The following HS3ST6 variants were observed in gnomAD, a reference collection of about 807,000 sequenced individuals.
The protein encoded by HS3ST6 is heparan sulfate glucosamine 3-O-sulfotransferase 6.
A neutral mutation model predicts 11.0 loss-of-function variants in HS3ST6; 13 were observed. The observed-to-expected ratio is 1.18, with a 90% CI of 0.77 to 1.88. The LOEUF (loss-of-function observed/expected upper bound fraction) is 1.88, where lower values mean the gene tolerates loss of function less well. Ranked by LOEUF, HS3ST6 falls within the 40% of genes most tolerant of loss-of-function variation. The probability of loss-of-function intolerance (pLI) is 0.00; values close to 1 mark genes in which losing one functional copy is unlikely to be tolerated. For synonymous variants in HS3ST6, 232 were observed against 230.6 expected (o/e 1.01, Z -0.06); for missense variants, 541 against 494.4 (o/e 1.09, Z -0.89).
chr16:1,914,123 C>T lies in HS3ST6; in HGVS notation c.414-1918G>A, dbSNP rs569919563. Among the ~76,000 whole-genome samples the T allele has an allele frequency of 6.6e-5, 10 of 152,164 alleles. No individual in the cohort carries two copies. The South Asian group carries it at 1.9e-3, about 28-fold the overall frequency. On this transcript the variant is annotated intron_variant, in intron 1 of 1. Transcript: ENST00000454677. The stretch of plus-strand genomic sequence containing the variant: ...GAGGGGCAGGGGTGCTGGGGATGAG[C>T]GTGGGGCTCAGCCCTCCCTCTTCCC...
upstream of HS3ST6, among the ~76,000 whole-genome samples, chr16:1,918,722 C>T (rs1355422011): frequency 2.0e-5 from 3 of 152,188 alleles, no homozygotes; most frequent in East Asian, 3.9e-4. This position sits in a 1 kb window ranked among gnomAD's most constrained non-coding sequence, Gnocchi z 6.0. Context: ...GCGCGGGCCT[C>T]GGGACCCTCT....
rs770410702 is a variant in HS3ST6, at chr16:1,912,251, T to C, written c.414-46A>G. 80 of 1,318,914 alleles carry C rather than the reference T, an allele frequency of 6.1e-5. No individual in the cohort carries two copies. Among genetic ancestry groups the C allele is most frequent in the Non-Finnish European group, 6.5e-5 (67 of 1,032,432 alleles). 81.7% of individuals were successfully genotyped at this position (1,318,914 alleles called of 1,614,324 possible). A position where few individuals can be genotyped will look rare whatever the true frequency, so the allele number is the denominator to read the frequency against. ...GAGGGGGCCTGAGCCTCCCCAGCCC[T>C]AGACCGGCCCCCAGGGGCCCGGGAC... On this transcript the variant is annotated intron_variant, in intron 1 of 1. Transcript: ENST00000454677. This position sits in a 1 kb window ranked among gnomAD's most constrained non-coding sequence, Gnocchi z 5.6.
At position 1,912,581 on chromosome 16, in the gene HS3ST6, A is replaced by G. The variant is rs1455639737; in HGVS notation, c.414-376T>C. ...GCCAGCTCCCTCCCACCGGACCCAC[A>G]CTTTCCTGGAACTAGGCTGCCCCCA... is the stretch of plus-strand genomic sequence containing the variant. On this transcript the variant is annotated intron_variant, in intron 1 of 1. Coordinates refer to ENST00000454677, the MANE Select transcript of HS3ST6 (RefSeq NM_001009606.4). This position sits in a 1 kb window ranked among gnomAD's most constrained non-coding sequence, Gnocchi z 5.6. 1.3e-5 allele frequency among the ~76,000 whole-genome samples: 2 copies of G among 151,392 alleles called. No homozygotes were observed. Among genetic ancestry groups the G allele is most frequent in the African/African-American group, 4.9e-5 (2 of 41,138 alleles).
Position 1,911,622 on chromosome 16 carries a change from G to A in HS3ST6, c.997C>T (p.Gln333Ter), listed in dbSNP as rs1358981484. Residue 333 changes from glutamine to a stop codon, truncating the protein, a stop_gained, in exon 2 of 2, where the codon CAG becomes TAG. Transcript: ENST00000454677. LOFTEE classifies it high-confidence loss of function. The stretch of plus-strand genomic sequence containing the variant: ...CAGCCGAAGTCCTGGCCCGTCATCT[G>A]GTAGAACCTGCGGTTGAAGGGCCGG... The part of the protein sequence containing the change: ...FYRPFNRRFY[Q>*]MTGQDFGWG 1 of 1,607,996 alleles carries A rather than the reference G, an allele frequency of 6.2e-7. No homozygotes were observed. The highest frequency in any genetic ancestry group is 8.5e-7 in the Non-Finnish European group (1 of 1,177,456).
intron 1 of HS3ST6, among the ~76,000 whole-genome samples, chr16:1,913,761 C>T (rs1039069871): frequency 6.6e-6 from 1 of 152,116 alleles, no homozygotes; most frequent in African/African-American, 2.4e-5. Flanking sequence ...GTTCTGAGTC[C>T]CCTTTTCCTG....
intron 1 of HS3ST6, among the ~76,000 whole-genome samples, chr16:1,915,351 C>T (rs1471705970): frequency 6.6e-6 from 1 of 152,254 alleles, no homozygotes; most frequent in Non-Finnish European, 1.5e-5. Context: ...TCTCAGCTCA[C>T]TACAACCTCT....
In HS3ST6 at chr16:1,917,912, G is replaced by C. The variant is rs1021487166; in HGVS notation, c.412C>G (p.Arg138Gly). ...RCYERGLAWY[R>G]SLMPRTLDGQ... ...GGGCGGACGGGCCAGGGTGCTCACC[G>C]GTACCAGGCGAGGCCGCGCTCGTAG... Residue 138 changes from arginine to glycine, a missense_variant and splice_region_variant, in exon 1 of 2, where the codon CGG (arginine) becomes GGG (glycine). Transcript: ENST00000454677. 3 of 1,465,002 alleles carry C rather than the reference G, an allele frequency of 2.0e-6. No homozygotes were observed. The highest frequency in any genetic ancestry group is 1.5e-5 in the African/African-American group (1 of 68,880). 90.8% of individuals were successfully genotyped at this position (1,465,002 alleles called of 1,614,324 possible). A position where few individuals can be genotyped will look rare whatever the true frequency, so the allele number is the denominator to read the frequency against.
At chr16:1,913,601 G>C (rs369351230) in intron 1 of HS3ST6, among the ~76,000 whole-genome samples, 92 of 152,306 alleles carry the variant, frequency 6.0e-4, no homozygotes, top group African/African-American at 2.0e-3. Context: ...ACTGTGTTAG[G>C]GAGGGGATGC....
At chr16:1,913,867 G>A (rs1433305542) in intron 1 of HS3ST6, among the ~76,000 whole-genome samples, 1 of 152,142 alleles carries the variant, frequency 6.6e-6, no homozygotes. Context: ...TGGGAGGGAG[G>A]ATGTGTGAGG....
intron 1 of HS3ST6, 71 bp downstream of exon 1, chr16:1,917,840 G>T: frequency 8.6e-7 from 1 of 1,167,300 alleles, no homozygotes; most frequent in Non-Finnish European, 1.1e-6. Context: ...ATATCGTGCC[G>T]CTGCTCCCTG....
rs1477260193 is a variant in HS3ST6, at chr16:1,911,758, G to A, written c.861C>T (p.Pro287=). ...TGCCGCCCTGGGCCTTCTTGAGGCA[G>A]GGGAAGCCCTTGGTGGCGTTGAAGT... ...HFYFNATKGF[P]CLKKAQGGSR... The change falls in exon 2 of 2, where the codon CCC becomes CCT. Residue 287 remains proline (P), a synonymous_variant. Transcript: ENST00000454677. The A allele has an allele frequency of 1.9e-6, 3 of 1,613,810 alleles. No homozygotes were observed. Among genetic ancestry groups the A allele is most frequent in the Non-Finnish European group, 1.7e-6 (2 of 1,179,808 alleles).
At chr16:1,920,710 G>A (rs759834151), upstream of HS3ST6, among the ~76,000 whole-genome samples, 30 of 152,184 alleles carry the variant, frequency 2.0e-4, no homozygotes, top group Non-Finnish European at 4.0e-4. Context: ...GAGATGCAGG[G>A]ACCAGGAGTC....
At chr16:1,920,116 T>C (rs1597013458), upstream of HS3ST6, among the ~76,000 whole-genome samples, 1 of 135,436 alleles carries the variant, frequency 7.4e-6, no homozygotes, top group African/African-American at 2.9e-5. Flanking sequence ...CCCCACGGTC[T>C]CAGCCGTCCC....
At position 1,912,153 on chromosome 16, in the gene HS3ST6, TG is replaced by T. The variant is rs2082895166; in HGVS notation, c.465del (p.Ser156AlafsTer4). On this transcript the variant is annotated frameshift_variant, in exon 2 of 2. Transcript: ENST00000454677. LOFTEE classifies it low-confidence loss of function (END_TRUNC). This position sits in a 1 kb window ranked among gnomAD's most constrained non-coding sequence, Gnocchi z 5.6. ...LDGQITMEKT[P>X]SYFVTREAPR... The stretch of plus-strand genomic sequence containing the variant: ...GGGGCCTCTCGCGTCACGAAGTAGC[TG>T]GGGGTCTTCTCCATGGTGATCTGCC... 1.3e-6 allele frequency: 2 copies of T among 1,487,620 alleles called. No individual in the cohort carries two copies. Among genetic ancestry groups the T allele is most frequent in the Admixed American group, 4.9e-5 (2 of 40,930 alleles). The allele number at this position is 1,487,620 out of a possible 1,614,324, so 92.2% of individuals were successfully genotyped here. A position where few individuals can be genotyped will look rare whatever the true frequency, so the allele number is the denominator to read the frequency against.
rs1319451808 is a variant in HS3ST6, at chr16:1,912,547, G to A, written c.414-342C>T. 6.6e-6 allele frequency among the ~76,000 whole-genome samples: 1 copy of A among 151,996 alleles called. No homozygotes were observed. Among genetic ancestry groups the A allele is most frequent in the Non-Finnish European group, 1.5e-5 (1 of 67,992 alleles). ...TCCCTGTGCAATCCCTGCCGTCCTC[G>A]CTTCCAGAGCCAGCTCCCTCCCACC... is the stretch of plus-strand genomic sequence containing the variant. On this transcript the variant is annotated intron_variant, in intron 1 of 1. Coordinates refer to ENST00000454677, the MANE Select transcript of HS3ST6 (RefSeq NM_001009606.4). This position sits in a 1 kb window ranked among gnomAD's most constrained non-coding sequence, Gnocchi z 5.6.
intron 1 of HS3ST6, among the ~76,000 whole-genome samples, chr16:1,915,307 C>T (rs2082918513): frequency 6.6e-6 from 1 of 152,176 alleles, no homozygotes; most frequent in Non-Finnish European, 1.5e-5. Context: ...CTCCAGCTGA[C>T]TCTTGTCGCC....
At position 1,911,730 on chromosome 16, in the gene HS3ST6, G is replaced by A. The variant is rs61740582; in HGVS notation, c.889C>T (p.Arg297Cys). The change falls in exon 2 of 2, where the codon CGT becomes TGT. Residue 297 changes from arginine (R) to cysteine (C), a missense_variant. Transcript: ENST00000454677. ...PCLKKAQGGS[R>C]PRCLGKSKGR... ...TTGGACTTGCCCAGGCAGCGGGGAC[G>A]GCTGCCGCCCTGGGCCTTCTTGAGG... The A allele has an allele frequency of 0.011, 17,304 of 1,613,008 alleles. 610 individuals carry two copies. The highest frequency in any genetic ancestry group is 0.088 in the South Asian group (8,057 of 91,042).
rs2082892802 is a variant in HS3ST6 at position 1,912,000 on chromosome 16, G to T, written c.619C>A (p.Leu207Met). ...GGGCCCAGGCCGTGGCGGAAGGCCA[G>T]GGCGCGGAAGCTGGGCAGGCCCGGG... is the stretch of plus-strand genomic sequence containing the variant. ...KTPGLPSFRALAFRHGLGPVD... is the reference protein window; with the variant it reads ...KTPGLPSFRAMAFRHGLGPVD... Residue 207 changes from leucine (L) to methionine (M), a missense_variant, in exon 2 of 2, where the codon CTG becomes ATG. Physicochemically the swap from Leu to Met is conservative, Grantham distance 15. Coordinates refer to ENST00000454677, the MANE Select transcript of HS3ST6 (RefSeq NM_001009606.4). 2 of 1,533,452 alleles carry T rather than the reference G, an allele frequency of 1.3e-6. No individual in the cohort carries two copies. The highest frequency in any genetic ancestry group is 4.5e-5 in the East Asian group (2 of 44,014). The allele number at this position is 1,533,452 out of a possible 1,614,324, so 95.0% of individuals were successfully genotyped here. A position where few individuals can be genotyped will look rare whatever the true frequency, so the allele number is the denominator to read the frequency against.
At position 1,912,062 on chromosome 16, in the gene HS3ST6, C is replaced by G. The variant is rs201439445; in HGVS notation, c.557G>C (p.Arg186Pro). Residue 186 changes from arginine (R) to proline (P), a missense_variant, in exon 2 of 2, where the codon CGG becomes CCG. Transcript: ENST00000454677. The surrounding 1 kb of genome is among the most constrained non-coding windows in gnomAD (Gnocchi z 5.6). Reference protein sequence around the residue: ...LIVVVRNPVTRAISDYAQTLS... With the variant: ...LIVVVRNPVTPAISDYAQTLS... The stretch of plus-strand genomic sequence containing the variant: ...CGTCTGGGCGTAGTCGGAGATGGCC[C>G]GGGTCACGGGGTTCCGCACCACCAC... The G allele has an allele frequency of 6.6e-7, 1 of 1,513,512 alleles. No homozygotes were observed. Among genetic ancestry groups the G allele is most frequent in the Non-Finnish European group, 8.8e-7 (1 of 1,132,544 alleles). 93.8% of individuals were successfully genotyped at this position (1,513,512 alleles called of 1,614,324 possible). A position where few individuals can be genotyped will look rare whatever the true frequency, so the allele number is the denominator to read the frequency against.
Sources: allele counts gnomAD v4.1 joint callset (sites outside exome capture counted in the v4.1 genomes callset), GRCh38; gene constraint gnomAD v4.1.1; non-coding constraint Gnocchi (gnomAD v3.1); transcripts MANE v1.5; gene names NCBI Gene and HGNC (gene_info 2026-07-23, HGNC 2026-07-21).